The following MAGI1 variants were observed in gnomAD, a reference collection of about 807,000 sequenced individuals.
MAGI1 encodes membrane associated guanylate kinase, WW and PDZ domain containing 1.
MAGI1 carries 58 observed loss-of-function variants against 139.9 expected under a neutral mutation model. The ratio of observed to expected loss-of-function variants is 0.41; its 90% CI spans 0.34 to 0.52. The LOEUF is 0.52. MAGI1 is among the 20% of genes least tolerant of loss of function. MAGI1 has a pLI of 0.12. For missense variants in MAGI1, 1,874 were observed against 1,901.6 expected (o/e 0.99, Z 0.27); for synonymous variants, 812 against 737.9 (o/e 1.10, Z -1.63).
chr3:65,506,032 T>A (rs1268511646), intron 2 of MAGI1, among the ~76,000 whole-genome samples: 2 of 152,192 alleles, frequency 1.3e-5, no homozygotes, highest in Non-Finnish European at 2.9e-5. Flanking sequence ...AAATCAGCAA[T>A]CACTGACCAT....
At chr3:65,413,604 G>T (rs1945965430) in intron 12 of MAGI1, among the ~76,000 whole-genome samples, 1 of 152,304 alleles carries the variant, frequency 6.6e-6, no homozygotes, top group South Asian at 2.1e-4. Context: ...GAAAAAAGCT[G>T]TTTCCTTGAC....
chr3:65,946,706 C>T (rs577662335), intron 1 of MAGI1, among the ~76,000 whole-genome samples: 1 of 152,232 alleles, frequency 6.6e-6, no homozygotes, highest in East Asian at 1.9e-4. Flanking sequence ...GATCTGGCAG[C>T]GCACCCACCA....
At chr3:65,486,480 GA>G (rs1169395123) in intron 3 of MAGI1, among the ~76,000 whole-genome samples, 3 of 149,798 alleles carry the variant, frequency 2.0e-5, no homozygotes, top group African/African-American at 7.4e-5. Flanking sequence ...AATGTCAACA[GA>G]AAAAAAAAGA....
At chr3:65,878,754 G>T (rs188075563) in intron 1 of MAGI1, among the ~76,000 whole-genome samples, 110 of 152,114 alleles carry the variant, frequency 7.2e-4, no homozygotes, top group Non-Finnish European at 1.3e-3. Flanking sequence ...CTGTCTGCTG[G>T]TTACAAATAG....
intron 1 of MAGI1, among the ~76,000 whole-genome samples, chr3:65,702,170 T>C (rs2107615232): frequency 6.6e-6 from 1 of 152,250 alleles, no homozygotes; most frequent in East Asian, 1.9e-4. Context: ...AATAGCAGCA[T>C]TAAATCCAAA....
chr3:66,021,265 T>C (rs1217827441), intron 1 of MAGI1, among the ~76,000 whole-genome samples: 3 of 152,102 alleles, frequency 2.0e-5, no homozygotes, highest in African/African-American at 7.2e-5. Flanking sequence ...AGATAAAGAA[T>C]ATTCCATCAT....
At chr3:65,639,486 C>T (rs1344699673) in intron 1 of MAGI1, among the ~76,000 whole-genome samples, 1 of 152,138 alleles carries the variant, frequency 6.6e-6, no homozygotes, top group African/African-American at 2.4e-5. Context: ...GGGAAGTCAT[C>T]TGGGAGGGTT....
At chr3:65,462,035 T>C (rs1242974380) in intron 5 of MAGI1, among the ~76,000 whole-genome samples, 2 of 152,164 alleles carry the variant, frequency 1.3e-5, no homozygotes, top group South Asian at 2.1e-4. Flanking sequence ...TTTGAATGGA[T>C]AGATTCCAAA....
intron 12 of MAGI1, among the ~76,000 whole-genome samples, chr3:65,415,410 T>C (rs146309570): frequency 0.014 from 2,106 of 152,294 alleles, 28 homozygotes; most frequent in Non-Finnish European, 0.021. Flanking sequence ...TCTTATTCCA[T>C]CGTCATGACA....
chr3:65,959,286 T>G (rs535421654), intron 1 of MAGI1, among the ~76,000 whole-genome samples: 1 of 152,180 alleles, frequency 6.6e-6, no homozygotes, highest in Non-Finnish European at 1.5e-5. Flanking sequence ...TCTACTCCCT[T>G]AAGACATTAT....
chr3:65,433,403 C>T (rs899992118), intron 10 of MAGI1, among the ~76,000 whole-genome samples: 9 of 152,088 alleles, frequency 5.9e-5, no homozygotes, highest in Admixed American at 1.3e-4. Context: ...TGAAATTATA[C>T]GACTGACTTC....
At chr3:65,818,929 C>G (rs538979891) in intron 1 of MAGI1, among the ~76,000 whole-genome samples, 1 of 152,234 alleles carries the variant, frequency 6.6e-6, no homozygotes, top group East Asian at 1.9e-4. Context: ...TCCATTCATA[C>G]TAGAAAACAT....
rs1051433878 is a variant in MAGI1, at chr3:65,818,306, T to C, written c.314-196218A>G. On this transcript the variant is annotated intron_variant, in intron 1 of 22. Transcript: ENST00000402939. ...CAACAAATACTTACTGAGGCTCCAT[T>C]TGCCAAGCACCATACCAGGTGCTGG... 1.3e-5 allele frequency among the ~76,000 whole-genome samples: 2 copies of C among 152,260 alleles called. 1 individual carries two copies. Among genetic ancestry groups the C allele is most frequent in the South Asian group, 4.1e-4 (2 of 4,824 alleles).
In MAGI1 at chr3:65,379,345, C is replaced by T. The variant is rs149468264; in HGVS notation, c.2911G>A (p.Val971Met). ...TCGTTCTCCCCGCGCCGGATCTCCA[C>T]GTCGTAGGGCTGCACCACGGTGCTG... is the stretch of plus-strand genomic sequence containing the variant. ...VVSTVVQPYDVEIRRGENEGF... is the reference protein window; with the variant it reads ...VVSTVVQPYDMEIRRGENEGF... Residue 971 changes from valine to methionine, a missense_variant, in exon 17 of 23, where the codon GTG becomes ATG. By Grantham distance (21) the Val-to-Met change is conservative (BLOSUM62 1). Coordinates refer to ENST00000402939, the MANE Select transcript of MAGI1 (RefSeq NM_001033057.2). The T allele has an allele frequency of 4.1e-5, 66 of 1,613,388 alleles. No individual in the cohort carries two copies. Among genetic ancestry groups the T allele is most frequent in the Non-Finnish European group, 5.4e-5 (64 of 1,179,680 alleles).
At chr3:65,688,064 T>C (rs2088218131) in intron 1 of MAGI1, 2 of 770,118 alleles carry the variant, frequency 2.6e-6, no homozygotes, top group Admixed American at 1.8e-5. Context: ...TATGCTGTGA[T>C]AACCCCAACA....
At chr3:65,580,696 T>C (rs1286521165) in intron 2 of MAGI1, among the ~76,000 whole-genome samples, 1 of 152,182 alleles carries the variant, frequency 6.6e-6, no homozygotes, top group Non-Finnish European at 1.5e-5. Flanking sequence ...ATGTGGCAGA[T>C]ACCAATCTTG....
intron 5 of MAGI1, among the ~76,000 whole-genome samples, chr3:65,465,089 T>C (rs369147460): frequency 6.0e-5 from 9 of 150,474 alleles, no homozygotes; most frequent in African/African-American, 9.7e-5. Context: ...CTTATCTCCA[T>C]TGATATTCTT....
intron 1 of MAGI1, among the ~76,000 whole-genome samples, chr3:65,886,647 T>C (rs2060542102): frequency 6.6e-6 from 1 of 152,212 alleles, no homozygotes; most frequent in Non-Finnish European, 1.5e-5. Context: ...CTAGCCAGAA[T>C]GCACAGGAGG....
chr3:65,613,121 T>C (rs922996829), intron 2 of MAGI1, among the ~76,000 whole-genome samples: 2 of 152,086 alleles, frequency 1.3e-5, no homozygotes, highest in African/African-American at 4.8e-5. Context: ...GTGGAGGTGG[T>C]TAGAACTAGG....
Sources: allele counts gnomAD v4.1 joint callset (sites outside exome capture counted in the v4.1 genomes callset), GRCh38; gene constraint gnomAD v4.1.1; transcripts MANE v1.5; gene names NCBI Gene and HGNC (gene_info 2026-07-23, HGNC 2026-07-21).